Variants in SNX24 observed in about 807,000 individuals in gnomAD.
SNX24 encodes sorting nexin-24.
SNX24 carries 22 observed loss-of-function variants against 28.7 expected under a neutral mutation model. That is an observed-to-expected ratio of 0.77 (90% CI 0.55 to 1.10). SNX24 has a LOEUF of 1.10. Among genes scored for constraint, SNX24 ranks in the 50% least tolerant of loss-of-function variants. The probability of loss-of-function intolerance (pLI) is 0.00; values close to 1 mark genes in which losing one functional copy is unlikely to be tolerated. For missense variants in SNX24, 221 were observed against 201.1 expected (o/e 1.10, Z -0.60); for synonymous variants, 69 against 71.5 (o/e 0.96, Z 0.18).
chr5:122,918,037 G>A (rs933605426), intron 1 of SNX24, among the ~76,000 whole-genome samples: 3 of 152,044 alleles, frequency 2.0e-5, no homozygotes, highest in Non-Finnish European at 4.4e-5. Flanking sequence ...CTGAGATCGT[G>A]CCACTGCACT....
At chr5:122,881,794 A>G (rs1756493883) in intron 1 of SNX24, among the ~76,000 whole-genome samples, 1 of 150,556 alleles carries the variant, frequency 6.6e-6, no homozygotes. Context: ...ATCTTTATCT[A>G]TACTTCTATC....
chr5:122,938,145 G>C (rs1759259901), intron 2 of SNX24, among the ~76,000 whole-genome samples: 1 of 152,098 alleles, frequency 6.6e-6, no homozygotes, highest in Non-Finnish European at 1.5e-5. Context: ...TCCACACCAG[G>C]CACAGCTGGG....
intron 1 of SNX24, among the ~76,000 whole-genome samples, chr5:122,915,137 G>A (rs111246737): frequency 0.028 from 4,283 of 152,180 alleles, 177 homozygotes; most frequent in African/African-American, 0.084. Context: ...ATCTGAAATG[G>A]TCTCAACTTA....
chr5:122,969,038 T>C (rs1353154167), intron 3 of SNX24, among the ~76,000 whole-genome samples: 1 of 152,204 alleles, frequency 6.6e-6, no homozygotes, highest in East Asian at 1.9e-4. Flanking sequence ...AATACTGGTC[T>C]AACACTGTTC....
intron 3 of SNX24, among the ~76,000 whole-genome samples, chr5:122,977,595 G>T (rs1227288889): frequency 6.6e-6 from 1 of 152,158 alleles, no homozygotes; most frequent in Non-Finnish European, 1.5e-5. Flanking sequence ...GTGGCTAACG[G>T]TGCATGCACT....
At chr5:122,942,036 T>C (rs1759473622) in intron 2 of SNX24, among the ~76,000 whole-genome samples, 1 of 152,190 alleles carries the variant, frequency 6.6e-6, no homozygotes, top group Non-Finnish European at 1.5e-5. Flanking sequence ...CCAAATACTT[T>C]ACTATTTTAA....
intron 1 of SNX24, among the ~76,000 whole-genome samples, chr5:122,879,384 C>G (rs955059607): frequency 6.6e-6 from 1 of 152,120 alleles, no homozygotes; most frequent in East Asian, 1.9e-4. Flanking sequence ...TAGCCCCTGT[C>G]GAGAATACAG....
intron 3 of SNX24, among the ~76,000 whole-genome samples, chr5:122,977,221 T>C (rs1434091755): frequency 1.3e-5 from 2 of 152,198 alleles, no homozygotes; most frequent in African/African-American, 4.8e-5. Context: ...TAAAAGTGAA[T>C]TTTTACTTGT....
At position 122,862,075 on chromosome 5, in the gene SNX24, G is replaced by A. The variant is rs748546415; in HGVS notation, c.60+16382G>A. 2.0e-5 allele frequency among the ~76,000 whole-genome samples: 3 copies of A among 152,188 alleles called. No individual in the cohort carries two copies. In the East Asian group the frequency reaches 5.8e-4, roughly 29 times the overall value. On this transcript the variant is annotated intron_variant, in intron 1 of 6. Transcript: ENST00000261369. Reference sequence around the variant, plus strand: ...TGGAAGGCTGAGTGGAAGTTTGCCAGTTTGAGAAAGGGAGGGAAATCATTT... The same window carrying A: ...TGGAAGGCTGAGTGGAAGTTTGCCAATTTGAGAAAGGGAGGGAAATCATTT...
intron 3 of SNX24, among the ~76,000 whole-genome samples, chr5:122,972,675 C>A (rs1287408480): frequency 1.3e-5 from 2 of 152,146 alleles, no homozygotes; most frequent in African/African-American, 4.8e-5. Context: ...TCTGTGAGTC[C>A]ATGGATGGTA....
chr5:122,962,582 C>T (rs986577345), intron 3 of SNX24, among the ~76,000 whole-genome samples: 3 of 152,188 alleles, frequency 2.0e-5, no homozygotes, highest in African/African-American at 7.2e-5. Context: ...CTTGGGTAGA[C>T]AAGCCTGATG....
chr5:122,907,148 G>A (rs1355478316), intron 1 of SNX24, among the ~76,000 whole-genome samples: 1 of 152,084 alleles, frequency 6.6e-6, no homozygotes, highest in African/African-American at 2.4e-5. Context: ...ATCTCTCTAA[G>A]GAAGGAGTAA....
chr5:122,950,110 T>G (rs1759873605), intron 3 of SNX24, among the ~76,000 whole-genome samples: 1 of 152,198 alleles, frequency 6.6e-6, no homozygotes. Flanking sequence ...AAAGTAGAAT[T>G]AAGTATAACA....
chr5:122,849,025 T>C (rs1466271962), intron 1 of SNX24, among the ~76,000 whole-genome samples: 1 of 152,230 alleles, frequency 6.6e-6, no homozygotes, highest in Non-Finnish European at 1.5e-5. Context: ...CACGGTAGGA[T>C]GTGCCGTAAT....
chr5:122,926,735 G>C (rs892626826), intron 1 of SNX24, among the ~76,000 whole-genome samples: 3 of 152,210 alleles, frequency 2.0e-5, no homozygotes, highest in Non-Finnish European at 2.9e-5. Context: ...GGTGAATGCA[G>C]ATTGCAGATA....
At chr5:123,011,708 G>T (rs570807184), downstream of SNX24, among the ~76,000 whole-genome samples, 10 of 152,280 alleles carry the variant, frequency 6.6e-5, no homozygotes, top group African/African-American at 2.2e-4. Context: ...TGCAACCCTT[G>T]TAACTGTACA....
intron 2 of SNX24, among the ~76,000 whole-genome samples, chr5:122,944,697 G>A (rs573049586): frequency 1.8e-4 from 28 of 152,138 alleles, no homozygotes; most frequent in Non-Finnish European, 3.8e-4. Flanking sequence ...AAAGGTGGCC[G>A]CTCTGCTCTA....
downstream of SNX24, among the ~76,000 whole-genome samples, chr5:123,012,192 T>C (rs1042392390): frequency 2.6e-5 from 4 of 152,230 alleles, no homozygotes; most frequent in Non-Finnish European, 5.9e-5. Flanking sequence ...ATTAAACTTC[T>C]TTCCTTTATA....
intron 1 of SNX24, among the ~76,000 whole-genome samples, chr5:122,904,593 A>G (rs528965339): frequency 3.3e-4 from 51 of 152,300 alleles, no homozygotes; most frequent in African/African-American, 1.2e-3. Context: ...CTGTAATTAC[A>G]TGATCCCAGT....
Sources: allele counts gnomAD v4.1 joint callset (sites outside exome capture counted in the v4.1 genomes callset), GRCh38; gene constraint gnomAD v4.1.1; transcripts MANE v1.5; gene names NCBI Gene and HGNC (gene_info 2026-07-23, HGNC 2026-07-21).